PIAS1: variants seen among roughly 807,000 people sequenced by gnomAD.
PIAS1 encodes the protein protein inhibitor of activated STAT 1.
A neutral mutation model predicts 71.3 loss-of-function variants in PIAS1; 6 were observed. The observed-to-expected ratio is 0.08, with a 90% CI of 0.05 to 0.17. PIAS1 has a LOEUF of 0.17. Ranked by LOEUF, PIAS1 falls within the 10% of genes least tolerant of loss-of-function variation. The pLI is 1.00. For missense variants in PIAS1, 555 were observed against 793.6 expected, an observed-to-expected ratio of 0.70 and a Z score of 3.61; for synonymous variants, 303 against 292.9, an observed-to-expected ratio of 1.03 and a Z score of -0.35.
chr15:68,177,660 TAC>T (rs1338059822), intron 11 of PIAS1, among the ~76,000 whole-genome samples: 23 of 152,226 alleles, frequency 1.5e-4, no homozygotes, highest in Non-Finnish European at 2.1e-4. Flanking sequence ...AATGAGTAAG[TAC>T]AGTCTTAACC....
intron 2 of PIAS1, among the ~76,000 whole-genome samples, chr15:68,087,608 GGAAA>G (rs2092295081): frequency 6.6e-6 from 1 of 152,004 alleles, no homozygotes; most frequent in Non-Finnish European, 1.5e-5. Context: ...TAACAAAAAA[GGAAA>G]GAAACAAAAA....
intron 7 of PIAS1, among the ~76,000 whole-genome samples, chr15:68,163,099 T>C (rs1477131711): frequency 1.3e-5 from 2 of 152,172 alleles, no homozygotes; most frequent in Admixed American, 6.5e-5. Flanking sequence ...CTTCGTTTAG[T>C]TAGTTGACAC....
At chr15:68,137,552 G>A (rs1362577177) in intron 2 of PIAS1, among the ~76,000 whole-genome samples, 1 of 151,980 alleles carries the variant, frequency 6.6e-6, no homozygotes. Flanking sequence ...GTACAGCACC[G>A]AGATCAAGAG....
rs189791771 is a variant in PIAS1 at position 68,157,223 on chromosome 15, G to T, written c.934+3528G>T. Among the ~76,000 whole-genome samples, 13 of 152,328 alleles carry T rather than the reference G, an allele frequency of 8.5e-5. No individual in the cohort carries two copies. The East Asian group carries it at 2.5e-3, about 29-fold the overall frequency. On this transcript the variant is annotated intron_variant, in intron 7 of 13. Coordinates refer to ENST00000249636, the MANE Select transcript of PIAS1 (RefSeq NM_016166.3). ...AGATGGGATGAGACATCCAGGTAGA[G>T]ATGCTTGGTAACAGTATTATGAGAC...
At chr15:68,143,126 C>T (rs779776283) in intron 4 of PIAS1, among the ~76,000 whole-genome samples, 10 of 151,646 alleles carry the variant, frequency 6.6e-5, no homozygotes, top group Non-Finnish European at 1.0e-4. Context: ...CTTTATTATT[C>T]GATTTACCAA....
intron 1 of PIAS1, among the ~76,000 whole-genome samples, chr15:68,075,364 G>A (rs1368531742): frequency 6.6e-6 from 1 of 152,026 alleles, no homozygotes; most frequent in Non-Finnish European, 1.5e-5. Flanking sequence ...GGGATTACAG[G>A]CGTGAGCCAC....
chr15:68,103,689 T>C (rs1441480106), intron 2 of PIAS1, among the ~76,000 whole-genome samples: 1 of 152,234 alleles, frequency 6.6e-6, no homozygotes, highest in Non-Finnish European at 1.5e-5. Context: ...GGACATCTCA[T>C]ATGAATGGAA....
At chr15:68,119,121 G>C (rs1280502291) in intron 2 of PIAS1, among the ~76,000 whole-genome samples, 1 of 40 alleles carries the variant, frequency 0.025, no homozygotes, top group East Asian at 0.045. Flanking sequence ...TGGGCAGGCC[G>C]GGGCATGGTG....
intron 2 of PIAS1, among the ~76,000 whole-genome samples, chr15:68,114,673 C>T (rs192481166): frequency 1.3e-5 from 2 of 152,042 alleles, no homozygotes; most frequent in East Asian, 3.9e-4. Context: ...AAAGTACAGC[C>T]TCTTAGATTA....
At chr15:68,147,930 T>G (rs1003823896) in intron 6 of PIAS1, among the ~76,000 whole-genome samples, 2 of 152,150 alleles carry the variant, frequency 1.3e-5, no homozygotes, top group African/African-American at 4.8e-5. Context: ...TTTCATGATA[T>G]GAACTCATAT....
intron 2 of PIAS1, among the ~76,000 whole-genome samples, chr15:68,124,857 C>T (rs1244627393): frequency 6.6e-6 from 1 of 152,118 alleles, no homozygotes; most frequent in Admixed American, 6.5e-5. Flanking sequence ...GTATTTTGAT[C>T]TCTTTTGGCT....
Position 68,176,536 on chromosome 15 carries a change from A to G in PIAS1, c.1363A>G (p.Lys455Glu). 1 of 1,612,782 alleles carries G rather than the reference A, an allele frequency of 6.2e-7. No homozygotes were observed. The highest frequency in any genetic ancestry group is 8.5e-7 in the Non-Finnish European group (1 of 1,179,414). Residue 455 changes from lysine to glutamate, a missense_variant, in exon 11 of 14, where the codon AAG (lysine) becomes GAG (glutamate). Physicochemically the swap from Lys to Glu is moderately conservative, Grantham distance 56. This residue lies in a region of PIAS1 where 244 missense variants were observed against 307.5 expected (regional missense o/e 0.79). Transcript: ENST00000249636. ...TCACCACCAGTCCTCAAATAAAAACAAGAAAGTAGAAGTGATTGACCTAAC... is the reference window on the plus strand; with the variant it reads ...TCACCACCAGTCCTCAAATAAAAACGAGAAAGTAGAAGTGATTGACCTAAC... Reference protein sequence around the residue: ...ASHHQSSNKNKKVEVIDLTID... With the variant: ...ASHHQSSNKNEKVEVIDLTID...
chr15:68,119,128 G>T (rs1490112510), intron 2 of PIAS1, among the ~76,000 whole-genome samples: 1 of 148,976 alleles, frequency 6.7e-6, no homozygotes, highest in Admixed American at 6.9e-5. Flanking sequence ...GCCGGGGCAT[G>T]GTGGCTCACA....
intron 1 of PIAS1, among the ~76,000 whole-genome samples, chr15:68,060,216 A>G (rs2091942800): frequency 6.6e-6 from 1 of 152,040 alleles, no homozygotes; most frequent in Non-Finnish European, 1.5e-5. Flanking sequence ...GTGACCACAT[A>G]TTGCAAGTTT....
chr15:68,066,194 A>C (rs773846185), intron 1 of PIAS1, among the ~76,000 whole-genome samples: 3 of 151,794 alleles, frequency 2.0e-5, no homozygotes, highest in Admixed American at 6.6e-5. Flanking sequence ...ATCTCGGCTC[A>C]CCACAACCTC....
intron 2 of PIAS1, 114 bp from the exon 3 acceptor site, chr15:68,141,832 C>T: frequency 1.6e-6 from 1 of 621,160 alleles, no homozygotes; most frequent in South Asian, 2.1e-5. Flanking sequence ...GCCTTGTTAT[C>T]TAAACTCTAG....
chr15:68,153,016 C>CT (rs926810923), intron 6 of PIAS1, among the ~76,000 whole-genome samples: 21 of 149,050 alleles, frequency 1.4e-4, no homozygotes, highest in Admixed American at 1.1e-3. Context: ...TGAAAACCTT[C>CT]TTTAATATTC....
intron 7 of PIAS1, among the ~76,000 whole-genome samples, chr15:68,156,379 A>G (rs1000256595): frequency 3.0e-4 from 45 of 152,288 alleles, no homozygotes; most frequent in Non-Finnish European, 1.6e-4. Flanking sequence ...AGAGTATGCC[A>G]GGAGAAAAGG....
At position 68,102,457 on chromosome 15, in the gene PIAS1, A is replaced by G. The variant is rs545066722; in HGVS notation, c.469+15707A>G. 3.3e-4 allele frequency among the ~76,000 whole-genome samples: 51 copies of G among 152,306 alleles called. No individual in the cohort carries two copies. In the South Asian group the frequency reaches 0.01, roughly 30 times the overall value. ...TTTTGCCTTTCCACACAAATTTTAG[A>G]ATTATCTTCTCGCTCTACAAATAGT... On this transcript the variant is annotated intron_variant, in intron 2 of 13. Transcript: ENST00000249636.
Sources: allele counts gnomAD v4.1 joint callset (sites outside exome capture counted in the v4.1 genomes callset), GRCh38; gene constraint gnomAD v4.1.1; regional missense constraint gnomAD v4.1.1; transcripts MANE v1.5; gene names NCBI Gene and HGNC (gene_info 2026-07-23, HGNC 2026-07-21).